Variants in MARCHF4 observed in about 807,000 individuals in gnomAD.
The protein encoded by MARCHF4 is membrane associated ring-CH-type finger 4.
A neutral mutation model predicts 43.9 loss-of-function variants in MARCHF4; 14 were observed. The ratio of observed to expected loss-of-function variants is 0.32; its 90% CI spans 0.21 to 0.50. The LOEUF (loss-of-function observed/expected upper bound fraction) is 0.50. Ranked by LOEUF, MARCHF4 falls within the 20% of genes least tolerant of loss-of-function variation. The pLI is 0.98. For missense variants in MARCHF4, 468 were observed against 536.7 expected, an observed-to-expected ratio of 0.87 and a Z score of 1.27; for synonymous variants, 226 against 213.3, an observed-to-expected ratio of 1.06 and a Z score of -0.52.
chr2:216,270,736 A>G (rs954711042), intron 3 of MARCHF4, among the ~76,000 whole-genome samples: 20 of 151,976 alleles, frequency 1.3e-4, no homozygotes, highest in African/African-American at 4.6e-4. Context: ...TCCATTGCCC[A>G]TCCCATTCTC....
In MARCHF4 at chr2:216,313,183, T is replaced by A. The variant is rs371602196; in HGVS notation, c.517-29454A>T. ...TTTGTCAAGTTTGTGAAAGGTCAAT[T>A]TGTTGTAGGTATGTGGCTTTTTTTC... On this transcript the variant is annotated intron_variant, in intron 1 of 3. Coordinates refer to ENST00000273067, the MANE Select transcript of MARCHF4 (RefSeq NM_020814.3). 3.0e-4 allele frequency among the ~76,000 whole-genome samples: 46 copies of A among 152,298 alleles called. No homozygotes were observed. The South Asian group carries it at 8.9e-3, about 30-fold the overall frequency.
intron 1 of MARCHF4, among the ~76,000 whole-genome samples, chr2:216,345,779 C>A (rs116432571): frequency 6.6e-6 from 1 of 152,194 alleles, no homozygotes; most frequent in African/African-American, 2.4e-5. Flanking sequence ...TACCCCAGAT[C>A]TGAGAAATCA....
chr2:216,319,192 C>T (rs1691838723), intron 1 of MARCHF4, among the ~76,000 whole-genome samples: 1 of 151,990 alleles, frequency 6.6e-6, no homozygotes, highest in South Asian at 2.1e-4. Context: ...CCTGTAATCC[C>T]AGCTATTTGG....
chr2:216,298,174 T>C (rs1194693907), intron 1 of MARCHF4, among the ~76,000 whole-genome samples: 2 of 151,672 alleles, frequency 1.3e-5, no homozygotes, highest in Non-Finnish European at 1.5e-5. Flanking sequence ...CCCTGAAAAG[T>C]TCTATTTTTA....
chr2:216,304,883 G>A (rs1359435111), intron 1 of MARCHF4, among the ~76,000 whole-genome samples: 2 of 152,104 alleles, frequency 1.3e-5, no homozygotes, highest in African/African-American at 4.8e-5. Context: ...GAACCCAGGA[G>A]GTGGAGGTTG....
intron 1 of MARCHF4, among the ~76,000 whole-genome samples, chr2:216,313,706 G>T (rs1468544586): frequency 6.6e-6 from 1 of 152,238 alleles, no homozygotes; most frequent in East Asian, 1.9e-4. Flanking sequence ...AAAGGGTGTA[G>T]AGAGATCTGC....
intron 1 of MARCHF4, among the ~76,000 whole-genome samples, chr2:216,347,621 A>C (rs1438260712): frequency 6.6e-6 from 1 of 151,982 alleles, no homozygotes; most frequent in Non-Finnish European, 1.5e-5. Flanking sequence ...CCAGTTACTC[A>C]GGAGGCTGAG....
At chr2:216,269,545 A>T (rs1690899423) in intron 3 of MARCHF4, among the ~76,000 whole-genome samples, 1 of 152,220 alleles carries the variant, frequency 6.6e-6, no homozygotes, top group African/African-American at 2.4e-5. Context: ...CGATCTCTAT[A>T]TCTAGGCTGT....
chr2:216,318,491 G>A (rs1691820891), intron 1 of MARCHF4, among the ~76,000 whole-genome samples: 1 of 152,214 alleles, frequency 6.6e-6, no homozygotes, highest in South Asian at 2.1e-4. Context: ...TCAATAAAGG[G>A]ATGGAGAGCA....
At chr2:216,290,955 G>A (rs112584229) in intron 1 of MARCHF4, among the ~76,000 whole-genome samples, 8,407 of 152,186 alleles carry the variant, frequency 0.055, 757 homozygotes, top group African/African-American at 0.19. Flanking sequence ...GCGATGTCAC[G>A]TAAGTACTGA....
At chr2:216,268,735 C>T (rs1241091601) in intron 3 of MARCHF4, among the ~76,000 whole-genome samples, 2 of 152,220 alleles carry the variant, frequency 1.3e-5, no homozygotes, top group African/African-American at 2.4e-5. Context: ...TCTCGTACTG[C>T]ACTAGGCTGC....
At chr2:216,357,195 C>A (rs989142373) in intron 1 of MARCHF4, among the ~76,000 whole-genome samples, 1 of 152,134 alleles carries the variant, frequency 6.6e-6, no homozygotes, top group African/African-American at 2.4e-5. Context: ...CACCAAGGGT[C>A]CCACTAATGT....
intron 1 of MARCHF4, among the ~76,000 whole-genome samples, chr2:216,314,135 CT>C (rs1424883655): frequency 1.3e-5 from 2 of 152,190 alleles, no homozygotes; most frequent in Admixed American, 6.5e-5. Flanking sequence ...TAGTTTACCC[CT>C]ATACCAGAAT....
chr2:216,343,350 C>T (rs770270941), intron 1 of MARCHF4, among the ~76,000 whole-genome samples: 50 of 152,324 alleles, frequency 3.3e-4, no homozygotes, highest in Non-Finnish European at 5.4e-4. Context: ...CAGCTTCCCT[C>T]TTGCTGTATT....
intron 1 of MARCHF4, among the ~76,000 whole-genome samples, chr2:216,331,151 A>G (rs1030610421): frequency 7.2e-5 from 11 of 152,158 alleles, no homozygotes; most frequent in African/African-American, 2.2e-4. Context: ...AAAGAGGAAA[A>G]GCACAAATTA....
At chr2:216,369,217 T>C (rs746877786) in intron 1 of MARCHF4, among the ~76,000 whole-genome samples, 1 of 152,174 alleles carries the variant, frequency 6.6e-6, no homozygotes, top group Non-Finnish European at 1.5e-5. Context: ...AACATAATGC[T>C]GAGGATGTCA....
At chr2:216,264,018 G>A (rs2105931547) in intron 3 of MARCHF4, among the ~76,000 whole-genome samples, 1 of 152,224 alleles carries the variant, frequency 6.6e-6, no homozygotes, top group Non-Finnish European at 1.5e-5. Context: ...CAGCCGGCTT[G>A]GAGCAAACAG....
intron 3 of MARCHF4, among the ~76,000 whole-genome samples, chr2:216,275,222 G>T (rs1691000694): frequency 6.6e-6 from 1 of 152,188 alleles, no homozygotes; most frequent in Non-Finnish European, 1.5e-5. Context: ...CCAGGGAAAA[G>T]GCAGGCAGCT....
At chr2:216,283,750 G>A in intron 1 of MARCHF4, 21 bp from the exon 2 acceptor site, 1 of 1,586,850 alleles carries the variant, frequency 6.3e-7, no homozygotes, top group Non-Finnish European at 8.6e-7. Context: ...AGAGCACAGG[G>A]TGATGAGGCT....
Sources: gnomAD v4.1 joint callset for allele counts (sites outside exome capture counted in the v4.1 genomes callset) on GRCh38, gnomAD v4.1.1 for gene constraint, MANE v1.5 for transcripts, NCBI Gene and HGNC (gene_info 2026-07-23, HGNC 2026-07-21) for gene names.